The following TAFA2 variants were observed in gnomAD, a reference collection of about 807,000 sequenced individuals.
The protein encoded by TAFA2 is TAFA chemokine like family member 2.
Under a neutral mutation model 18.8 loss-of-function variants are expected in TAFA2, and 7 were observed. The ratio of observed to expected loss-of-function variants is 0.37; its 90% CI spans 0.21 to 0.70. The LOEUF (loss-of-function observed/expected upper bound fraction) is 0.70, where lower values mean the gene tolerates loss of function less well. TAFA2 is among the 30% of genes least tolerant of loss of function. TAFA2 has a pLI of 0.53. For synonymous variants in TAFA2, 60 were observed against 54.2 expected, an observed-to-expected ratio of 1.11 and a Z score of -0.47; for missense variants, 122 against 158.1, an observed-to-expected ratio of 0.77 and a Z score of 1.23.
intron 1 of TAFA2, among the ~76,000 whole-genome samples, chr12:62,255,988 G>A (rs1039373059): frequency 1.3e-5 from 2 of 152,064 alleles, no homozygotes; most frequent in Non-Finnish European, 2.9e-5. Flanking sequence ...AAAGAGGATA[G>A]GCCAGGCACG....
chr12:62,019,375 T>C (rs348697), intron 1 of TAFA2, among the ~76,000 whole-genome samples: 118,549 of 140,222 alleles, frequency 0.85, 50,361 homozygotes, highest in Non-Finnish European at 0.87. Flanking sequence ...CACATGCACA[T>C]GTATGTTTAT....
Position 61,969,787 on chromosome 12 carries a change from T to C in TAFA2, c.-1-102361A>G, listed in dbSNP as rs1879185680. On this transcript the variant is annotated intron_variant, in intron 1 of 4. Transcript: ENST00000416284. Reference sequence around the variant, plus strand: ...CTCAATACACGTTTGAACTTGGTCTTGAAGAGTTCAAATTCACAAGGCAAA... The same window carrying C: ...CTCAATACACGTTTGAACTTGGTCTCGAAGAGTTCAAATTCACAAGGCAAA... Among the ~76,000 whole-genome samples the C allele has an allele frequency of 4.0e-5, 6 of 151,670 alleles. No individual in the cohort carries two copies. In the South Asian group the frequency reaches 1.2e-3, roughly 31 times the overall value.
At chr12:61,968,810 C>A (rs1879151912) in intron 1 of TAFA2, among the ~76,000 whole-genome samples, 1 of 151,104 alleles carries the variant, frequency 6.6e-6, no homozygotes, top group South Asian at 2.1e-4. Context: ...GAGTTCATGA[C>A]TCTATGAACT....
At chr12:62,230,905 G>T (rs1259603432) in intron 1 of TAFA2, among the ~76,000 whole-genome samples, 1 of 152,052 alleles carries the variant, frequency 6.6e-6, no homozygotes, top group Non-Finnish European at 1.5e-5. Flanking sequence ...TGAACTCCTG[G>T]GCTCAAGCGA....
intron 2 of TAFA2, among the ~76,000 whole-genome samples, chr12:61,793,443 G>C (rs1871065050): frequency 6.6e-6 from 1 of 151,288 alleles, no homozygotes; most frequent in Non-Finnish European, 1.5e-5. Context: ...AGATTTTATA[G>C]ATAATAAAAG....
At chr12:61,734,936 TCTC>T (rs1868279654) in intron 4 of TAFA2, among the ~76,000 whole-genome samples, 1 of 152,012 alleles carries the variant, frequency 6.6e-6, no homozygotes, top group Non-Finnish European at 1.5e-5. Flanking sequence ...TATGTCTCAA[TCTC>T]CTCAACTGTA....
intron 4 of TAFA2, among the ~76,000 whole-genome samples, chr12:61,736,502 G>C (rs1868306640): frequency 1.3e-5 from 2 of 151,952 alleles, no homozygotes; most frequent in Admixed American, 6.6e-5. Context: ...TTTTCTGCCT[G>C]CATAGTACTT....
intron 1 of TAFA2, among the ~76,000 whole-genome samples, chr12:62,226,119 C>T (rs1035422266): frequency 2.0e-4 from 31 of 152,024 alleles, no homozygotes; most frequent in African/African-American, 7.2e-4. Flanking sequence ...TTTACTTTCT[C>T]CAGTAAGTAC....
chr12:61,720,730 T>C, intron 4 of TAFA2: 1 of 367,180 alleles, frequency 2.7e-6, no homozygotes, highest in Non-Finnish European at 5.3e-6. Context: ...TGGAGTTGTT[T>C]TGAATCTTTA....
At chr12:62,179,570 G>GA (rs2062537912) in intron 1 of TAFA2, among the ~76,000 whole-genome samples, 1 of 152,102 alleles carries the variant, frequency 6.6e-6, no homozygotes. Flanking sequence ...TTCCTGAATA[G>GA]AGGTTTTACA....
At chr12:62,227,982 T>G (rs1000253178) in intron 1 of TAFA2, among the ~76,000 whole-genome samples, 1 of 152,218 alleles carries the variant, frequency 6.6e-6, no homozygotes, top group Non-Finnish European at 1.5e-5. Flanking sequence ...TGTTTTTATG[T>G]GGGTGCCATG....
intron 1 of TAFA2, among the ~76,000 whole-genome samples, chr12:62,189,928 T>TA (rs2062610521): frequency 6.9e-6 from 1 of 145,904 alleles, no homozygotes; most frequent in African/African-American, 2.6e-5. Flanking sequence ...AAAGGTTGCT[T>TA]ATGAGTTTGC....
chr12:62,073,670 A>G (rs943511489), intron 1 of TAFA2, among the ~76,000 whole-genome samples: 1 of 152,126 alleles, frequency 6.6e-6, no homozygotes, highest in Non-Finnish European at 1.5e-5. Flanking sequence ...ATTTGACTTT[A>G]GGTCTGTTTA....
At chr12:62,056,951 G>A (rs892852460) in intron 1 of TAFA2, among the ~76,000 whole-genome samples, 1 of 152,184 alleles carries the variant, frequency 6.6e-6, no homozygotes, top group Non-Finnish European at 1.5e-5. Flanking sequence ...GAGAGAGAAA[G>A]GCCTGTAGTT....
chr12:62,206,190 A>G (rs1280919310), intron 1 of TAFA2, among the ~76,000 whole-genome samples: 1 of 152,068 alleles, frequency 6.6e-6, no homozygotes, highest in Non-Finnish European at 1.5e-5. Context: ...CACCATATGT[A>G]TTTTATCAGC....
At chr12:61,809,629 A>G (rs1461511499) in intron 2 of TAFA2, among the ~76,000 whole-genome samples, 1 of 151,368 alleles carries the variant, frequency 6.6e-6, no homozygotes, top group African/African-American at 2.5e-5. Flanking sequence ...TTAATTTAAA[A>G]AAAAGCATTA....
intron 2 of TAFA2, among the ~76,000 whole-genome samples, chr12:61,831,357 T>C (rs1872714703): frequency 6.6e-6 from 1 of 152,036 alleles, no homozygotes; most frequent in Non-Finnish European, 1.5e-5. Context: ...TCTGAGAACA[T>C]TTACTCTATT....
intron 1 of TAFA2, among the ~76,000 whole-genome samples, chr12:62,121,929 C>T (rs549362830): frequency 6.6e-6 from 1 of 152,230 alleles, no homozygotes; most frequent in South Asian, 2.1e-4. Flanking sequence ...TTTACTGAAA[C>T]CAGAAAGAAC....
rs577193842 is a variant in TAFA2 at position 62,204,134 on chromosome 12, C to CT, written c.-130+54628dup. Among the ~76,000 whole-genome samples, 300 of 149,024 alleles carry CT rather than the reference C, an allele frequency of 2.0e-3. 1 individual carries two copies. Among genetic ancestry groups the CT allele is most frequent in the African/African-American group, 6.9e-3 (280 of 40,608 alleles). On this transcript the variant is annotated intron_variant, in intron 1 of 5. Coordinates refer to the TAFA2 transcript ENST00000551619. ...GATATGAAATTCTGGGTTGGAAATT[C>CT]TTTTTTTTTTAAGAATGTTGAATAT...
Sources: gnomAD v4.1 joint callset for allele counts (sites outside exome capture counted in the v4.1 genomes callset) on GRCh38, gnomAD v4.1.1 for gene constraint, MANE v1.5 for transcripts, NCBI Gene and HGNC (gene_info 2026-07-23, HGNC 2026-07-21) for gene names.